Variants in CDH6 observed in about 807,000 individuals in gnomAD.
The protein encoded by CDH6 is cadherin-6.
Under a neutral mutation model 78.0 loss-of-function variants are expected in CDH6, and 31 were observed. The ratio of observed to expected loss-of-function variants is 0.40; its 90% confidence interval spans 0.30 to 0.54. CDH6 has a LOEUF of 0.54. Among genes scored for constraint, CDH6 ranks in the 20% least tolerant of loss-of-function variants. The probability of loss-of-function intolerance (pLI) is 0.56; values close to 1 mark genes in which losing one functional copy is unlikely to be tolerated. For missense variants in CDH6, 724 were observed against 975.9 expected, an observed-to-expected ratio of 0.74 and a Z score of 3.44; for synonymous variants, 376 against 368.8, an observed-to-expected ratio of 1.02 and a Z score of -0.23.
chr5:31,201,745 C>G (rs1740354582), intron 1 of CDH6, among the ~76,000 whole-genome samples: 2 of 152,108 alleles, frequency 1.3e-5, no homozygotes, highest in Non-Finnish European at 2.9e-5. Flanking sequence ...TGACCTGGTT[C>G]TCTTCCTTCT....
intron 8 of CDH6, among the ~76,000 whole-genome samples, chr5:31,314,109 T>A (rs2017469): frequency 0.5 from 76,597 of 151,956 alleles, 19,721 homozygotes; most frequent in Non-Finnish European, 0.54. Context: ...AGATGGTCAA[T>A]ACAATGTGCA....
intron 11 of CDH6, 28 bp downstream of exon 11, chr5:31,317,952 T>A: frequency 1.9e-6 from 3 of 1,607,550 alleles, no homozygotes; most frequent in Non-Finnish European, 1.7e-6. Flanking sequence ...GCCTCCTATC[T>A]CCCCATGGTG....
At chr5:31,246,494 G>C (rs774934020) in intron 1 of CDH6, among the ~76,000 whole-genome samples, 2 of 152,150 alleles carry the variant, frequency 1.3e-5, no homozygotes, top group Non-Finnish European at 2.9e-5. Flanking sequence ...GTAGAAAGCA[G>C]GGTTTACAGA....
In CDH6 at chr5:31,323,097, A is replaced by G; in HGVS notation, c.2162A>G (p.Lys721Arg). The G allele has an allele frequency of 6.2e-7, 1 of 1,614,212 alleles. No individual in the cohort carries two copies. Among genetic ancestry groups the G allele is most frequent in the South Asian group, 1.1e-5 (1 of 91,080 alleles). ...DVRDFINQRLKENDTDPTAPP... is the reference protein window; with the variant it reads ...DVRDFINQRLRENDTDPTAPP... ...AGAGATTTCATTAACCAAAGGTTAA[A>G]GGAAAATGACACGGACCCCACTGCC... The change falls in exon 12 of 12, where the codon AAG becomes AGG. Residue 721 changes from lysine (K) to arginine (R), a missense_variant. Around this residue, in one of 3 missense-constraint regions of CDH6, gnomAD observed 220 missense variants for 240.6 expected, o/e 0.91. Coordinates refer to ENST00000265071, the MANE Select transcript of CDH6 (RefSeq NM_004932.4).
intron 2 of CDH6, among the ~76,000 whole-genome samples, chr5:31,286,790 C>T (rs1743023767): frequency 6.6e-6 from 1 of 152,010 alleles, no homozygotes; most frequent in Non-Finnish European, 1.5e-5. Flanking sequence ...GGAGGGCCTC[C>T]TTGCAATAGA....
intron 4 of CDH6, among the ~76,000 whole-genome samples, chr5:31,297,878 G>T (rs1053654008): frequency 1.2e-4 from 18 of 152,168 alleles, no homozygotes; most frequent in Non-Finnish European, 2.9e-5. Flanking sequence ...CTGCCACATT[G>T]CTGTCCCTTG....
At chr5:31,272,659 C>T (rs1230163557) in intron 2 of CDH6, among the ~76,000 whole-genome samples, 41 of 152,190 alleles carry the variant, frequency 2.7e-4, no homozygotes, top group Non-Finnish European at 5.9e-4. Context: ...TACCATTCAA[C>T]AGCTACAGCA....
chr5:31,308,284 TGAAA>T (rs751602201), intron 7 of CDH6, among the ~76,000 whole-genome samples: 1 of 152,108 alleles, frequency 6.6e-6, no homozygotes, highest in East Asian at 1.9e-4. Flanking sequence ...TTGGTTTCTG[TGAAA>T]GAATCTTATA....
chr5:31,236,269 T>G (rs2111864827), intron 1 of CDH6, among the ~76,000 whole-genome samples: 1 of 152,336 alleles, frequency 6.6e-6, no homozygotes, highest in South Asian at 2.1e-4. Flanking sequence ...ATGACAATAT[T>G]CACATCAATT....
chr5:31,214,728 G>A (rs759130248), intron 1 of CDH6, among the ~76,000 whole-genome samples: 32 of 152,136 alleles, frequency 2.1e-4, no homozygotes, highest in Non-Finnish European at 4.1e-4. Flanking sequence ...TAAAGTTTTG[G>A]AACCTCATAG....
At chr5:31,320,663 AC>A (rs1738456066) in intron 11 of CDH6, among the ~76,000 whole-genome samples, 1 of 151,574 alleles carries the variant, frequency 6.6e-6, no homozygotes, top group African/African-American at 2.4e-5. Flanking sequence ...AAATTATGCA[AC>A]CTCCCTCCGA....
Position 31,313,306 on chromosome 5 carries a change from C to G in CDH6, c.1254-12C>G. Reference sequence around the variant, plus strand: ...AAGAAAAGCCTTTCTTAATTCCACTCTGCATTTTCAGGTACTCTGTAGATC... The same window carrying G: ...AAGAAAAGCCTTTCTTAATTCCACTGTGCATTTTCAGGTACTCTGTAGATC... On this transcript the variant is annotated splice_polypyrimidine_tract_variant and intron_variant, in intron 7 of 11. Coordinates refer to ENST00000265071, the MANE Select transcript of CDH6 (RefSeq NM_004932.4). 1 of 1,606,002 alleles carries G rather than the reference C, an allele frequency of 6.2e-7. No homozygotes were observed. Among genetic ancestry groups the G allele is most frequent in the Non-Finnish European group, 8.5e-7 (1 of 1,173,710 alleles).
At chr5:31,211,511 T>A (rs1192510363) in intron 1 of CDH6, among the ~76,000 whole-genome samples, 1 of 152,204 alleles carries the variant, frequency 6.6e-6, no homozygotes, top group African/African-American at 2.4e-5. Context: ...TTAGGTTTTA[T>A]TGGAAAGGCG....
intron 1 of CDH6, among the ~76,000 whole-genome samples, chr5:31,208,508 TA>T (rs1740602926): frequency 6.6e-6 from 1 of 152,208 alleles, no homozygotes; most frequent in Non-Finnish European, 1.5e-5. Flanking sequence ...ATGGATCTCC[TA>T]ACAGGATAAT....
Position 31,328,828 on chromosome 5 carries a change from A to G in CDH6, c.*5520A>G, listed in dbSNP as rs530857308. ...CACCTGATGAAAGCAAGCAATGCTC[A>G]GTTCCCATCAACATTTCTAGTTAGG... On this transcript the variant is annotated 3_prime_UTR_variant, in exon 12 of 12. Coordinates refer to ENST00000265071, the MANE Select transcript of CDH6 (RefSeq NM_004932.4). 3 of 218,904 alleles carry G rather than the reference A, an allele frequency of 1.4e-5. No homozygotes were observed. The highest frequency in any genetic ancestry group is 1.8e-4 in the South Asian group (1 of 5,430). The allele number at this position is 218,904 out of a possible 1,614,324, so 13.6% of individuals were successfully genotyped here.
intron 1 of CDH6, among the ~76,000 whole-genome samples, chr5:31,222,197 A>T (rs1166868957): frequency 6.6e-6 from 1 of 152,132 alleles, no homozygotes; most frequent in Non-Finnish European, 1.5e-5. Flanking sequence ...ATGTTTTAAT[A>T]TTGGAAATAT....
intron 1 of CDH6, among the ~76,000 whole-genome samples, chr5:31,207,045 A>G (rs1740545913): frequency 6.6e-6 from 1 of 152,188 alleles, no homozygotes; most frequent in Non-Finnish European, 1.5e-5. Flanking sequence ...ACAGTTCAGC[A>G]AGAAATCACT....
chr5:31,316,375 T>A (rs1321993597), intron 9 of CDH6, 46 bp downstream of exon 9: 1 of 1,510,956 alleles, frequency 6.6e-7, no homozygotes, highest in Non-Finnish European at 9.1e-7. Flanking sequence ...TCAGATTAAT[T>A]TAGATCTTCT....
chr5:31,290,152 C>G (rs908338858), intron 2 of CDH6, among the ~76,000 whole-genome samples: 7 of 152,062 alleles, frequency 4.6e-5, no homozygotes, highest in Non-Finnish European at 1.0e-4. Flanking sequence ...CCCAGCTACA[C>G]GGCAGGCTGA....
Sources: gnomAD v4.1 joint callset for allele counts (sites outside exome capture counted in the v4.1 genomes callset) on GRCh38, gnomAD v4.1.1 for gene constraint, gnomAD v4.1.1 regional missense constraint, MANE v1.5 for transcripts, NCBI Gene and HGNC (gene_info 2026-07-23, HGNC 2026-07-21) for gene names.